Variants in DOCK3 observed in about 807,000 individuals in gnomAD.
The protein encoded by DOCK3 is dedicator of cytokinesis 3, also known as dedicator of cytokinesis protein 3.
Under a neutral mutation model 265.6 loss-of-function variants are expected in DOCK3, and 60 were observed. That is an observed-to-expected ratio of 0.23 (90% CI 0.18 to 0.28). DOCK3 has a LOEUF of 0.28. DOCK3 is among the 10% of genes least tolerant of loss of function. The pLI is 1.00. For synonymous variants in DOCK3, 881 were observed against 938.0 expected, an observed-to-expected ratio of 0.94 and a Z score of 1.11; for missense variants, 1,981 against 2,594.3, an observed-to-expected ratio of 0.76 and a Z score of 5.14.
chr3:50,781,634 G>A (rs1409116167), intron 2 of DOCK3, among the ~76,000 whole-genome samples: 3 of 151,968 alleles, frequency 2.0e-5, no homozygotes, highest in African/African-American at 7.3e-5. Flanking sequence ...TTTATTTTAA[G>A]TTTTGTTTTA....
intron 4 of DOCK3, among the ~76,000 whole-genome samples, chr3:50,900,440 G>A (rs2049127218): frequency 6.6e-6 from 1 of 152,240 alleles, no homozygotes; most frequent in African/African-American, 2.4e-5. Flanking sequence ...TTAGCTTGGA[G>A]GAGTTTGTTA....
At chr3:51,051,658 C>G (rs1197120154) in intron 5 of DOCK3, among the ~76,000 whole-genome samples, 2 of 152,130 alleles carry the variant, frequency 1.3e-5, no homozygotes, top group Non-Finnish European at 1.5e-5. Context: ...CCCTTTCCCA[C>G]TGTGTTAGGC....
At chr3:51,083,507 A>G (rs2082313032) in intron 7 of DOCK3, among the ~76,000 whole-genome samples, 1 of 152,230 alleles carries the variant, frequency 6.6e-6, no homozygotes, top group Admixed American at 6.5e-5. Flanking sequence ...AAAGAAGCTC[A>G]GTGAGATACA....
chr3:51,239,792 A>G (rs1424220295), intron 21 of DOCK3, among the ~76,000 whole-genome samples: 1 of 151,978 alleles, frequency 6.6e-6, no homozygotes, highest in African/African-American at 2.4e-5. Context: ...TGTGGGGTCA[A>G]AGGGAATATC....
chr3:51,168,231 G>GA (rs1560153691), intron 12 of DOCK3, among the ~76,000 whole-genome samples: 1 of 152,162 alleles, frequency 6.6e-6, no homozygotes, highest in South Asian at 2.1e-4. Context: ...CACAGAACTA[G>GA]AAAAAACTAT....
chr3:51,048,143 A>T (rs541080863), intron 5 of DOCK3, among the ~76,000 whole-genome samples: 57 of 151,298 alleles, frequency 3.8e-4, no homozygotes, highest in African/African-American at 1.3e-3. Flanking sequence ...ATCTCAATAG[A>T]TGGGGGGAAA....
At chr3:50,884,003 CT>C (rs1315239342) in intron 3 of DOCK3, among the ~76,000 whole-genome samples, 2 of 151,672 alleles carry the variant, frequency 1.3e-5, no homozygotes, top group African/African-American at 4.8e-5. Context: ...CATCTGCCTT[CT>C]TTCATTCAGC....
At chr3:50,715,460 A>G (rs910040636) in intron 1 of DOCK3, among the ~76,000 whole-genome samples, 1 of 152,006 alleles carries the variant, frequency 6.6e-6, no homozygotes, top group East Asian at 1.9e-4. Flanking sequence ...CTGAGGTGGG[A>G]GGATCACTTG....
chr3:51,158,597 G>T (rs1402078567), intron 10 of DOCK3, among the ~76,000 whole-genome samples: 1 of 152,006 alleles, frequency 6.6e-6, no homozygotes, highest in South Asian at 2.1e-4. Context: ...ATAACTCTTT[G>T]GTTTGGAAAT....
At chr3:50,752,422 T>C in intron 1 of DOCK3, among the ~76,000 whole-genome samples, 1 of 151,468 alleles carries the variant, frequency 6.6e-6, no homozygotes, top group Non-Finnish European at 1.5e-5. Flanking sequence ...GGCAGGAGAA[T>C]CATTTGAATC....
At chr3:50,846,510 T>A (rs562441723) in intron 3 of DOCK3, among the ~76,000 whole-genome samples, 7 of 152,138 alleles carry the variant, frequency 4.6e-5, no homozygotes, top group Non-Finnish European at 1.0e-4. Context: ...TAGGATGATA[T>A]TGGTTTAGTA....
intron 1 of DOCK3, among the ~76,000 whole-genome samples, chr3:50,772,836 A>G (rs760484654): frequency 2.0e-5 from 3 of 152,162 alleles, no homozygotes; most frequent in African/African-American, 2.4e-5. Context: ...TTGAAGAATT[A>G]ATATCATTAA....
At chr3:50,710,775 G>A (rs924731672) in intron 1 of DOCK3, among the ~76,000 whole-genome samples, 1 of 152,206 alleles carries the variant, frequency 6.6e-6, no homozygotes, top group African/African-American at 2.4e-5. Flanking sequence ...ATTAACCAAT[G>A]AGTGTATAAA....
intron 1 of DOCK3, among the ~76,000 whole-genome samples, chr3:50,696,965 CTG>C (rs1225957132): frequency 2.0e-5 from 3 of 148,036 alleles, no homozygotes; most frequent in Non-Finnish European, 4.5e-5. Context: ...CTCACTAACT[CTG>C]TTGCTCAGGC....
intron 9 of DOCK3, among the ~76,000 whole-genome samples, chr3:51,142,060 T>G (rs1263646236): frequency 6.6e-6 from 1 of 151,898 alleles, no homozygotes; most frequent in African/African-American, 2.4e-5. Context: ...CCACAGCTTA[T>G]TTGTATCTAC....
At chr3:50,720,200 G>A (rs950468605) in intron 1 of DOCK3, among the ~76,000 whole-genome samples, 20 of 151,934 alleles carry the variant, frequency 1.3e-4, no homozygotes, top group African/African-American at 4.6e-4. Flanking sequence ...GGTAAATTGC[G>A]TGTTATGGAG....
chr3:50,941,821 A>T (rs1345249961), intron 5 of DOCK3, among the ~76,000 whole-genome samples: 4 of 152,114 alleles, frequency 2.6e-5, no homozygotes, highest in Admixed American at 2.6e-4. Flanking sequence ...ATACTCTATG[A>T]TTCCATTTAT....
Position 50,841,657 on chromosome 3 carries a change from T to A in DOCK3, c.122-18T>A, listed in dbSNP as rs1442786691. 1 of 1,294,056 alleles carries A rather than the reference T, an allele frequency of 7.7e-7. No individual in the cohort carries two copies. Among genetic ancestry groups the A allele is most frequent in the Admixed American group, 2.6e-5 (1 of 38,440 alleles). The allele number at this position is 1,294,056 out of a possible 1,614,324, so 80.2% of individuals were successfully genotyped here. A position where few individuals can be genotyped will look rare whatever the true frequency, so the allele number is the denominator to read the frequency against. ...ACATGACATTGTGATTTTAATATTCTCTTATGCTTTGTTTTAGGTTGGTAC... is the reference window on the plus strand; with the variant it reads ...ACATGACATTGTGATTTTAATATTCACTTATGCTTTGTTTTAGGTTGGTAC... On this transcript the variant is annotated intron_variant, in intron 2 of 52. Transcript: ENST00000266037.
At position 51,246,813 on chromosome 3, in the gene DOCK3, G is replaced by A; in HGVS notation, c.2184+6G>A. On this transcript the variant is annotated splice_donor_region_variant and intron_variant, in intron 22 of 52. Transcript: ENST00000266037. Reference sequence around the variant, plus strand: ...ACATTCAAGAAGCTATGCGGGTAATGTACTAACCTCTCCATACATAAGAGA... The same window carrying A: ...ACATTCAAGAAGCTATGCGGGTAATATACTAACCTCTCCATACATAAGAGA... The A allele has an allele frequency of 6.2e-7, 1 of 1,611,670 alleles. No homozygotes were observed. Among genetic ancestry groups the A allele is most frequent in the African/African-American group, 1.3e-5 (1 of 75,014 alleles).
Sources: gnomAD v4.1 joint callset for allele counts (sites outside exome capture counted in the v4.1 genomes callset) on GRCh38, gnomAD v4.1.1 for gene constraint, MANE v1.5 for transcripts, NCBI Gene and HGNC (gene_info 2026-07-23, HGNC 2026-07-21) for gene names.